ZNF516: variants seen among roughly 807,000 people sequenced by gnomAD.
ZNF516 encodes zinc finger protein 516.
In ZNF516, 19 loss-of-function variants were observed where a neutral mutation model predicts 79.7. The ratio of observed to expected loss-of-function variants is 0.24; its 90% confidence interval spans 0.17 to 0.35. The LOEUF is 0.35. Ranked by LOEUF, ZNF516 falls within the 10% of genes least tolerant of loss-of-function variation. ZNF516 has a pLI of 1.00. For synonymous variants in ZNF516, 877 were observed against 739.5 expected (o/e 1.19, Z -3.02); for missense variants, 1,678 against 1,679.5 (o/e 1.00, Z 0.02).
intron 3 of ZNF516, among the ~76,000 whole-genome samples, chr18:76,382,672 A>G (rs1171255212): frequency 4.6e-5 from 7 of 152,166 alleles, no homozygotes; most frequent in East Asian, 1.9e-4. Context: ...GCACTTTGGG[A>G]GGCCGAGGCG....
At chr18:76,476,076 G>A (rs1039182970) in intron 1 of ZNF516, among the ~76,000 whole-genome samples, 1 of 152,094 alleles carries the variant, frequency 6.6e-6, no homozygotes, top group Non-Finnish European at 1.5e-5. Flanking sequence ...ACTTTGTCGT[G>A]TATAAACTAT....
intron 6 of ZNF516, among the ~76,000 whole-genome samples, chr18:76,364,954 A>G (rs1033580804): frequency 6.6e-6 from 1 of 152,266 alleles, no homozygotes; most frequent in Non-Finnish European, 1.5e-5. Context: ...GTGTTTTAAG[A>G]TGCTTGTTTG....
chr18:76,382,230 G>C (rs1388615965), intron 3 of ZNF516, among the ~76,000 whole-genome samples: 1 of 152,212 alleles, frequency 6.6e-6, no homozygotes, highest in Non-Finnish European at 1.5e-5. Flanking sequence ...ACAGTGGTAT[G>C]AGAAAGGAGA....
chr18:76,359,092 T>G lies in ZNF516; in HGVS notation c.*3406A>C, dbSNP rs988305572. 2 of 152,244 alleles carry G rather than the reference T, an allele frequency of 1.3e-5. No individual in the cohort carries two copies. Among genetic ancestry groups the G allele is most frequent in the Admixed American group, 1.3e-4 (2 of 15,276 alleles). The allele number at this position is 152,244 out of a possible 1,614,324, so 9.4% of individuals were successfully genotyped here. A position where few individuals can be genotyped will look rare whatever the true frequency, so the allele number is the denominator to read the frequency against. Reference sequence around the variant, plus strand: ...CACACCCTCAGCGACCTGTGCACAGTGGCCGGATCAGGGGTGGGGGCCTGT... The same window carrying G: ...CACACCCTCAGCGACCTGTGCACAGGGGCCGGATCAGGGGTGGGGGCCTGT... On this transcript the variant is annotated 3_prime_UTR_variant, in exon 7 of 7. Coordinates refer to ENST00000443185, the MANE Select transcript of ZNF516 (RefSeq NM_014643.4).
intron 3 of ZNF516, among the ~76,000 whole-genome samples, chr18:76,390,024 T>G (rs562537176): frequency 2.0e-5 from 3 of 152,304 alleles, no homozygotes; most frequent in Non-Finnish European, 2.9e-5. Context: ...TCACTCTTGG[T>G]TAAAACAGAA....
intron 3 of ZNF516, among the ~76,000 whole-genome samples, chr18:76,440,743 TG>T: frequency 1.7e-4 from 1 of 5,984 alleles, no homozygotes; most frequent in Non-Finnish European, 2.0e-3. Flanking sequence ...TGTGTGTGTT[TG>T]TGTGTGTGTG....
intron 3 of ZNF516, chr18:76,389,275 A>G (rs570588760): frequency 6.2e-4 from 93 of 149,714 alleles, no homozygotes; most frequent in African/African-American, 2.2e-3. Flanking sequence ...TGGCCTGCAC[A>G]TTCTCCAAAA....
At chr18:76,367,359 T>G (rs1421035032) in intron 6 of ZNF516, among the ~76,000 whole-genome samples, 2 of 152,204 alleles carry the variant, frequency 1.3e-5, no homozygotes, top group African/African-American at 4.8e-5. Context: ...AAGCCCATTC[T>G]CAGTAGCGTG....
At position 76,379,416 on chromosome 18, in the gene ZNF516, C is replaced by T. The variant is rs551316137; in HGVS notation, c.2698G>A (p.Ala900Thr). ...PCHGQEPHGA[A>T]TQGPLAKPRQ... Reference sequence around the variant, plus strand: ...GGCTTGGCCAGGGGCCCCTGTGTGGCCGCGCCATGTGGCTCCTGGCCGTGA... The same window carrying T: ...GGCTTGGCCAGGGGCCCCTGTGTGGTCGCGCCATGTGGCTCCTGGCCGTGA... Residue 900 changes from alanine (A) to threonine (T), a missense_variant, in exon 4 of 7, where the codon GCC (alanine) becomes ACC (threonine). Ala to Thr is a moderately conservative substitution (Grantham distance 58). Coordinates refer to ENST00000443185, the MANE Select transcript of ZNF516 (RefSeq NM_014643.4). 1.2e-4 allele frequency: 191 copies of T among 1,609,120 alleles called. 2 individuals carry two copies. In the South Asian group the frequency reaches 2.0e-3, roughly 17 times the overall value.
chr18:76,452,627 T>A (rs1285869566), intron 2 of ZNF516, among the ~76,000 whole-genome samples: 2 of 152,238 alleles, frequency 1.3e-5, no homozygotes, highest in African/African-American at 4.8e-5. Context: ...AATTAATTCC[T>A]GGTCCAAGAG....
chr18:76,491,064 T>A lies in ZNF516; in HGVS notation c.-272+4080A>T, dbSNP rs1013377620. The A allele has an allele frequency of 6.1e-6, 6 of 984,886 alleles. No individual in the cohort carries two copies. The African/African-American group carries it at 1.1e-4, about 17-fold the overall frequency. 61.0% of individuals were successfully genotyped at this position (984,886 alleles called of 1,614,324 possible). Reference sequence around the variant, plus strand: ...CTCGCGGGCGCAGGACCGGTTCAGGTGTGAACACTTATGTAATCGTCCTCG... The same window carrying A: ...CTCGCGGGCGCAGGACCGGTTCAGGAGTGAACACTTATGTAATCGTCCTCG... On this transcript the variant is annotated intron_variant, in intron 1 of 6. Transcript: ENST00000443185.
chr18:76,481,914 C>T (rs537920681), intron 1 of ZNF516, among the ~76,000 whole-genome samples: 20 of 152,116 alleles, frequency 1.3e-4, no homozygotes, highest in Non-Finnish European at 2.5e-4. Context: ...GCTCTCAATA[C>T]CTTTTATTTT....
chr18:76,459,882 C>T lies in ZNF516; in HGVS notation c.-158+3146G>A, dbSNP rs141113090. Among the ~76,000 whole-genome samples the T allele has an allele frequency of 2.6e-3, 403 of 152,286 alleles. 1 individual carries two copies. Among genetic ancestry groups the T allele is most frequent in the African/African-American group, 8.9e-3 (371 of 41,554 alleles). The stretch of plus-strand genomic sequence containing the variant: ...AAGGAACATACTGATGATAAGGAAA[C>T]GCCGGGTGGGGTCTTTACGTAGGCA... On this transcript the variant is annotated intron_variant, in intron 2 of 6. Coordinates refer to ENST00000443185, the MANE Select transcript of ZNF516 (RefSeq NM_014643.4). The surrounding 1 kb of genome is among the most constrained non-coding windows in gnomAD (Gnocchi z 5.0).
Position 76,362,226 on chromosome 18 carries a change from C to A in ZNF516, c.*272G>T, listed in dbSNP as rs2074549539. 2.6e-6 allele frequency: 1 copy of A among 391,200 alleles called. No individual in the cohort carries two copies. Among genetic ancestry groups the A allele is most frequent in the Non-Finnish European group, 4.7e-6 (1 of 213,884 alleles). The allele number at this position is 391,200 out of a possible 1,614,324, so 24.2% of individuals were successfully genotyped here. On this transcript the variant is annotated 3_prime_UTR_variant, in exon 7 of 7. Coordinates refer to ENST00000443185, the MANE Select transcript of ZNF516 (RefSeq NM_014643.4). ...CTGTTTATTATAAGAAAATATGGGACTATGGACGATGAGCACGTAAATGCG... is the reference window on the plus strand; with the variant it reads ...CTGTTTATTATAAGAAAATATGGGAATATGGACGATGAGCACGTAAATGCG...
rs8083074 is a variant in ZNF516, at chr18:76,419,838, G to T, written c.1810+21407C>A. Among the ~76,000 whole-genome samples the T allele has an allele frequency of 1.9e-3, 284 of 152,322 alleles. 1 individual carries two copies. Among genetic ancestry groups the T allele is most frequent in the African/African-American group, 6.6e-3 (274 of 41,570 alleles). On this transcript the variant is annotated intron_variant, in intron 3 of 6. Coordinates refer to ENST00000443185, the MANE Select transcript of ZNF516 (RefSeq NM_014643.4). Reference sequence around the variant, plus strand: ...TATGTCTTTATTAGCAGCATGAGAAGAGACTAATACAAGTTCATGAGAACA... The same window carrying T: ...TATGTCTTTATTAGCAGCATGAGAATAGACTAATACAAGTTCATGAGAACA...
chr18:76,473,912 G>GT lies in ZNF516; in HGVS notation c.-271-10772_-271-10771insA, dbSNP rs1555718894. Among the ~76,000 whole-genome samples the GT allele has an allele frequency of 6.4e-5, 9 of 140,546 alleles. 1 individual carries two copies. The highest frequency in any genetic ancestry group is 1.3e-4 in the Non-Finnish European group (8 of 63,378). 92.2% of individuals were successfully genotyped at this position (140,546 alleles called of 152,430 possible). A position where few individuals can be genotyped will look rare whatever the true frequency, so the allele number is the denominator to read the frequency against. On this transcript the variant is annotated intron_variant, in intron 1 of 6. Transcript: ENST00000443185. ...GTTGGTTGTTTTTGTGTGGGGGGGG[G>GT]GGGGGCTTTCTTTTTGAGACAGGGT...
intron 1 of ZNF516, among the ~76,000 whole-genome samples, chr18:76,481,027 C>T (rs1017430778): frequency 3.3e-5 from 5 of 152,150 alleles, no homozygotes; most frequent in Non-Finnish European, 7.3e-5. Flanking sequence ...CTGACCCCTG[C>T]CCTGGAGTTT....
intron 1 of ZNF516, chr18:76,490,947 T>A (rs1013408437): frequency 4.1e-6 from 4 of 984,982 alleles, no homozygotes; most frequent in African/African-American, 1.8e-5. Context: ...CACTGTGAGG[T>A]CACACACGCA....
intron 2 of ZNF516, among the ~76,000 whole-genome samples, chr18:76,461,463 C>T (rs1479138811): frequency 6.6e-6 from 1 of 152,218 alleles, no homozygotes; most frequent in Non-Finnish European, 1.5e-5. Context: ...CACCTGGGAC[C>T]AACCTGTTGG....
Sources: allele counts gnomAD v4.1 joint callset (sites outside exome capture counted in the v4.1 genomes callset), GRCh38; gene constraint gnomAD v4.1.1; non-coding constraint Gnocchi (gnomAD v3.1); transcripts MANE v1.5; gene names NCBI Gene and HGNC (gene_info 2026-07-23, HGNC 2026-07-21).